The following HDAC5 variants were observed in gnomAD, a reference collection of about 807,000 sequenced individuals.
HDAC5 encodes antigen NY-CO-9.
HDAC5 carries 25 observed loss-of-function variants against 133.3 expected under a neutral mutation model. The observed-to-expected ratio is 0.19, with a 90% CI of 0.14 to 0.26. HDAC5 has a LOEUF of 0.26. Ranked by LOEUF, HDAC5 falls within the 10% of genes least tolerant of loss-of-function variation. HDAC5 has a pLI of 1.00. For synonymous variants in HDAC5, 589 were observed against 610.8 expected (o/e 0.96, Z 0.53); for missense variants, 1,041 against 1,460.5 (o/e 0.71, Z 4.68).
chr17:44,091,628 C>G, intron 10 of HDAC5, 72 bp downstream of exon 10: 1 of 1,506,860 alleles, frequency 6.6e-7, no homozygotes, highest in Non-Finnish European at 8.9e-7. Context: ...AAGGGGAAAA[C>G]CCCAGCTGGG....
At chr17:44,080,036 C>T in intron 23 of HDAC5, 71 bp downstream of exon 23, 1 of 1,090,964 alleles carries the variant, frequency 9.2e-7, no homozygotes, top group East Asian at 2.4e-5. Flanking sequence ...AGTCTGTTCC[C>T]TGCCCCATGC....
intron 18 of HDAC5, 37 bp downstream of exon 18, chr17:44,083,508 A>C (rs748498290): frequency 5.9e-5 from 88 of 1,492,576 alleles, no homozygotes; most frequent in Admixed American, 3.5e-5. Context: ...GAGCAGGGCC[A>C]TGCCAAGGGG....
chr17:44,095,666 C>T (rs940989540), intron 3 of HDAC5, among the ~76,000 whole-genome samples: 2 of 151,664 alleles, frequency 1.3e-5, no homozygotes, highest in East Asian at 1.9e-4. Context: ...CTGAAAATGC[C>T]GCTATATATA....
chr17:44,105,784 G>A (rs570581139), intron 3 of HDAC5, among the ~76,000 whole-genome samples: 3 of 152,178 alleles, frequency 2.0e-5, no homozygotes, highest in Non-Finnish European at 4.4e-5. Context: ...GGAGTCCCAA[G>A]ACCCACTAAG....
At chr17:44,093,544 C>T in intron 4 of HDAC5, 31 bp downstream of exon 4, 13 of 1,597,818 alleles carry the variant, frequency 8.1e-6, no homozygotes, top group Non-Finnish European at 1.0e-5. Context: ...GATCGGAGGT[C>T]TGGGCGGCCC....
intron 11 of HDAC5, among the ~76,000 whole-genome samples, chr17:44,089,123 C>T (rs1208671765): frequency 6.6e-6 from 1 of 152,136 alleles, no homozygotes; most frequent in Admixed American, 6.6e-5. Context: ...ACTGCTGAGC[C>T]CTTGCACACA....
chr17:44,087,909 T>C (rs2050746676), intron 12 of HDAC5, among the ~76,000 whole-genome samples: 1 of 152,088 alleles, frequency 6.6e-6, no homozygotes, highest in Non-Finnish European at 1.5e-5. Flanking sequence ...AGTGGCACGA[T>C]CTCGGCTCAC....
chr17:44,080,530 C>A, intron 21 of HDAC5, 32 bp from the exon 22 acceptor site: 1 of 1,605,772 alleles, frequency 6.2e-7, no homozygotes, highest in Non-Finnish European at 8.5e-7. Flanking sequence ...GGGCTATTCT[C>A]ACCACCTGGG....
At chr17:44,100,578 C>CAAA (rs869274112) in intron 3 of HDAC5, among the ~76,000 whole-genome samples, 28 of 89,372 alleles carry the variant, frequency 3.1e-4, no homozygotes, top group African/African-American at 1.2e-3. Flanking sequence ...ACTAAAGATA[C>CAAA]AAAAAAAAAA....
At chr17:44,086,832 G>T (rs973942872) in intron 13 of HDAC5, 95 bp from the exon 14 acceptor site, 4 of 942,274 alleles carry the variant, frequency 4.2e-6, no homozygotes, top group African/African-American at 3.4e-5. Context: ...CCCCAATCCA[G>T]CCCTTTTCTT....
chr17:44,091,704 A>T lies in HDAC5; in HGVS notation c.1160T>A (p.Leu387His). The change falls in exon 10 of 27, where the codon CTC becomes CAC. Residue 387 changes from leucine (L) to histidine (H), a missense_variant. Leu to His is a moderately conservative substitution (Grantham distance 99). Coordinates refer to ENST00000682912, the MANE Select transcript of HDAC5 (RefSeq NM_005474.5). ...QATVTVTNSH[L>H]TASPKLSTQQ... ...GGGTATATGCCCTGTACTTACAGTG[A>T]GGTGTGAGTTGGTGACAGTGACCGT... is the stretch of plus-strand genomic sequence containing the variant. 1 of 1,560,068 alleles carries T rather than the reference A, an allele frequency of 6.4e-7. No homozygotes were observed. The highest frequency in any genetic ancestry group is 8.7e-7 in the Non-Finnish European group (1 of 1,154,180).
chr17:44,107,961 G>A (rs2052075007), intron 3 of HDAC5, among the ~76,000 whole-genome samples: 1 of 152,124 alleles, frequency 6.6e-6, no homozygotes, highest in Non-Finnish European at 1.5e-5. Context: ...CAAGACAAAG[G>A]GGAATCCAGG....
chr17:44,081,491 G>A (rs2050387346), intron 20 of HDAC5: 1 of 151,902 alleles, frequency 6.6e-6, no homozygotes, highest in Admixed American at 6.6e-5. Flanking sequence ...GACCTCAGGT[G>A]ATCCACCCAC....
intron 3 of HDAC5, among the ~76,000 whole-genome samples, chr17:44,110,421 T>C (rs767072572): frequency 6.6e-6 from 1 of 152,182 alleles, no homozygotes; most frequent in Non-Finnish European, 1.5e-5. Context: ...CTGACCACAG[T>C]GCCAACTAGG....
In HDAC5 at chr17:44,083,868, G is replaced by A. The variant is rs2050514693; in HGVS notation, c.2306-14C>T. 1 of 1,613,280 alleles carries A rather than the reference G, an allele frequency of 6.2e-7. No individual in the cohort carries two copies. The highest frequency in any genetic ancestry group is 2.2e-5 in the East Asian group (1 of 44,880). ...GGCTGATGGGGCCTGCATGGAAGAG[G>A]AATAGAGCTACTCTAGAAGTGGCCT... On this transcript the variant is annotated splice_polypyrimidine_tract_variant and intron_variant, in intron 16 of 26. Transcript: ENST00000682912.
chr17:44,091,619 A>G, intron 10 of HDAC5, 81 bp downstream of exon 10: 1 of 1,500,762 alleles, frequency 6.7e-7, no homozygotes, highest in Non-Finnish European at 8.9e-7. Context: ...GGGCCTTGGA[A>G]GGGGAAAACC....
intron 3 of HDAC5, among the ~76,000 whole-genome samples, chr17:44,107,681 A>C (rs577406434): frequency 1.3e-5 from 2 of 148,536 alleles, no homozygotes; most frequent in Admixed American, 1.4e-4. Flanking sequence ...TAATAGTTCC[A>C]CTCTCACCCC....
chr17:44,095,326 A>G (rs1341805273), intron 3 of HDAC5, among the ~76,000 whole-genome samples: 3 of 152,178 alleles, frequency 2.0e-5, no homozygotes, highest in African/African-American at 7.2e-5. Context: ...CCATTTCTCA[A>G]CACCGTGCCC....
Position 44,092,816 on chromosome 17 carries a change from G to T in HDAC5, c.642-10C>A. On this transcript the variant is annotated splice_polypyrimidine_tract_variant and intron_variant, in intron 6 of 26. Transcript: ENST00000682912. ...AGCATGGTGGGCTCCCCTGGGGTGG[G>T]GGGGGGGTGGGGATGGAAGCAGATC... 3 of 860,740 alleles carry T rather than the reference G, an allele frequency of 3.5e-6. No homozygotes were observed. The highest frequency in any genetic ancestry group is 2.6e-5 in the East Asian group (1 of 38,438). 53.3% of individuals were successfully genotyped at this position (860,740 alleles called of 1,614,324 possible). A position where few individuals can be genotyped will look rare whatever the true frequency, so the allele number is the denominator to read the frequency against.
Sources: gnomAD v4.1 joint callset for allele counts (sites outside exome capture counted in the v4.1 genomes callset) on GRCh38, gnomAD v4.1.1 for gene constraint, MANE v1.5 for transcripts, NCBI Gene and HGNC (gene_info 2026-07-23, HGNC 2026-07-21) for gene names.